The following GALNT9 variants were observed in gnomAD, a reference collection of about 807,000 sequenced individuals.
The protein encoded by GALNT9 is polypeptide N-acetylgalactosaminyltransferase 9, also known as GalNAc transferase 9.
GALNT9 carries 47 observed loss-of-function variants against 63.1 expected under a neutral mutation model. The ratio of observed to expected loss-of-function variants is 0.75; its 90% CI spans 0.59 to 0.95. The LOEUF (loss-of-function observed/expected upper bound fraction) is 0.95, where lower values mean the gene tolerates loss of function less well. Among genes scored for constraint, GALNT9 ranks in the 40% least tolerant of loss-of-function variants. GALNT9 has a pLI of 0.00. For synonymous variants in GALNT9, 396 were observed against 365.7 expected (o/e 1.08, Z -0.94); for missense variants, 829 against 874.8 (o/e 0.95, Z 0.66).
At chr12:132,276,743 A>T (rs1593099480) in intron 2 of GALNT9, among the ~76,000 whole-genome samples, 1 of 152,196 alleles carries the variant, frequency 6.6e-6, no homozygotes, top group South Asian at 2.1e-4. Context: ...AATAATCAAG[A>T]CTATGTTATG....
At chr12:132,222,037 G>A (rs988328744) in intron 6 of GALNT9, among the ~76,000 whole-genome samples, 1 of 152,118 alleles carries the variant, frequency 6.6e-6, no homozygotes, top group African/African-American at 2.4e-5. Flanking sequence ...AGTGGATTGG[G>A]TAAGCCTGTG....
At chr12:132,268,105 T>A (rs1349951412) in intron 2 of GALNT9, among the ~76,000 whole-genome samples, 2 of 145,992 alleles carry the variant, frequency 1.4e-5, no homozygotes, top group Admixed American at 6.9e-5. Flanking sequence ...ACACGCGCAC[T>A]CACACACACA....
Position 132,259,922 on chromosome 12 carries a change from G to C in GALNT9, c.761+1026C>G, listed in dbSNP as rs146643569. Among the ~76,000 whole-genome samples the C allele has an allele frequency of 1.1e-3, 159 of 147,994 alleles. 1 individual carries two copies. In the Middle Eastern group the frequency reaches 0.014, roughly 13 times the overall value. On this transcript the variant is annotated intron_variant, in intron 4 of 10. Transcript: ENST00000328957. ...TCCTCCCGGGTCTTCCTTGTGGTTG[G>C]GTGGACAGGGGTGGGTCCTGGCCCT...
In GALNT9 at chr12:132,263,018, G is replaced by A. The variant is rs1005388796; in HGVS notation, c.420-393C>T. Among the ~76,000 whole-genome samples, 20 of 152,146 alleles carry A rather than the reference G, an allele frequency of 1.3e-4. No individual in the cohort carries two copies. In the South Asian group the frequency reaches 1.5e-3, roughly 11 times the overall value. On this transcript the variant is annotated intron_variant, in intron 2 of 10. Transcript: ENST00000328957. ...ACCCCGAGAGGAGATGAACGTCCCCGTTCCACAGACAGGAGCCTCCCCTGT... is the reference window on the plus strand; with the variant it reads ...ACCCCGAGAGGAGATGAACGTCCCCATTCCACAGACAGGAGCCTCCCCTGT...
chr12:132,247,983 T>G lies in GALNT9; in HGVS notation c.1004A>C (p.Tyr335Ser). The G allele has an allele frequency of 1.3e-6, 2 of 1,551,476 alleles. No homozygotes were observed. The highest frequency in any genetic ancestry group is 1.7e-6 in the Non-Finnish European group (2 of 1,147,010). The stretch of plus-strand genomic sequence containing the variant: ...GTCCAGCAGCCCAATGTCTCCGAAG[T>G]ACTCGCGGTCCACTACGAAGGAGCA... ...IGCSFVVDRE[Y>S]FGDIGLLDPG... Residue 335 changes from tyrosine to serine, a missense_variant, in exon 6 of 11, where the codon TAC becomes TCC. Physicochemically the swap from Tyr to Ser is moderately radical, Grantham distance 144. Transcript: ENST00000328957.
At chr12:132,209,021 T>TGGTCACCC (rs1359219141) in intron 6 of GALNT9, among the ~76,000 whole-genome samples, 1 of 152,192 alleles carries the variant, frequency 6.6e-6, no homozygotes, top group Non-Finnish European at 1.5e-5. Context: ...ACGATGCCTG[T>TGGTCACCC]GGTCACCCCC....
Position 132,329,393 on chromosome 12 carries a change from C to A in GALNT9, c.-190G>T. On this transcript the variant is annotated 5_prime_UTR_variant, in exon 1 of 11. Transcript: ENST00000328957. ...CGGCCGCCGGGGGTCCCCCAGAGCG[C>A]AGAGGGCTGCCCGGGGCTGGGGTCG... 2 of 774,342 alleles carry A rather than the reference C, an allele frequency of 2.6e-6. No individual in the cohort carries two copies. The highest frequency in any genetic ancestry group is 3.6e-5 in the South Asian group (1 of 28,134). The allele number at this position is 774,342 out of a possible 1,614,324, so 48.0% of individuals were successfully genotyped here. A position where few individuals can be genotyped will look rare whatever the true frequency, so the allele number is the denominator to read the frequency against.
At chr12:132,301,603 C>T (rs1309577558) in intron 1 of GALNT9, among the ~76,000 whole-genome samples, 2 of 152,248 alleles carry the variant, frequency 1.3e-5, no homozygotes, top group African/African-American at 4.8e-5. Context: ...GGAGGACTGC[C>T]TGGTGGCCGC....
Position 132,230,897 on chromosome 12 carries a change from C to T in GALNT9, c.1077+17013G>A, listed in dbSNP as rs902070455. 9.8e-5 allele frequency among the ~76,000 whole-genome samples: 15 copies of T among 152,356 alleles called. 1 individual carries two copies. In the East Asian group the frequency reaches 1.9e-3, roughly 20 times the overall value. On this transcript the variant is annotated intron_variant, in intron 6 of 10. Coordinates refer to ENST00000328957, the MANE Select transcript of GALNT9 (RefSeq NM_001122636.2). ...CAGGGCTCCCAACCTCCATTCGGGA[C>T]GTCTTGGTGAGACTCTGCTGAGCCT...
intron 6 of GALNT9, among the ~76,000 whole-genome samples, chr12:132,241,859 G>C (rs1555237264): frequency 0.97 from 1,134 of 1,170 alleles, 564 homozygotes; most frequent in Middle Eastern, 1. Context: ...TCCAGGGGCC[G>C]TCCCTATCCC....
intron 9 of GALNT9, among the ~76,000 whole-genome samples, 187 bp downstream of exon 9, chr12:132,198,987 C>T (rs556361088): frequency 6.6e-6 from 1 of 152,176 alleles, no homozygotes; most frequent in East Asian, 1.9e-4. Flanking sequence ...TGCTACCTTC[C>T]AGGTGGGGCG....
At chr12:132,302,496 C>G (rs562942403) in intron 1 of GALNT9, among the ~76,000 whole-genome samples, 1 of 152,318 alleles carries the variant, frequency 6.6e-6, no homozygotes, top group Non-Finnish European at 1.5e-5. Flanking sequence ...AATTTGTAGC[C>G]GTGCCATTTA....
chr12:132,323,237 G>A (rs1396917948), intron 1 of GALNT9, among the ~76,000 whole-genome samples: 2 of 152,228 alleles, frequency 1.3e-5, no homozygotes, highest in East Asian at 3.8e-4. Flanking sequence ...GAAATATGCA[G>A]GTTGCTGTGC....
At chr12:132,304,886 G>C (rs371837453) in intron 1 of GALNT9, among the ~76,000 whole-genome samples, 127 of 5,848 alleles carry the variant, frequency 0.022, no homozygotes, top group Admixed American at 0.041. Context: ...CACCCTCACC[G>C]GGGCACACCC....
chr12:132,247,293 G>T, intron 6 of GALNT9: 1 of 333,788 alleles, frequency 3.0e-6, no homozygotes, highest in Non-Finnish European at 5.9e-6. Context: ...CCAATCCATT[G>T]TCACCTGGGG....
intron 5 of GALNT9, among the ~76,000 whole-genome samples, chr12:132,256,613 A>G (rs1438620864): frequency 2.3e-5 from 2 of 86,640 alleles, no homozygotes; most frequent in Non-Finnish European, 4.4e-5. Context: ...TGGAGGGGGA[A>G]CACTGGAGGG....
rs1352526736 is a variant in GALNT9, at chr12:132,310,799, G to A, written c.238+18167C>T. On this transcript the variant is annotated intron_variant, in intron 1 of 10. Transcript: ENST00000328957. This position sits in a 1 kb window ranked among gnomAD's most constrained non-coding sequence, Gnocchi z 4.8. The stretch of plus-strand genomic sequence containing the variant: ...GGTGGGAGCCACGCTGTCCTCCCAC[G>A]CAAAGAGGAACTAGGTGTGGCTGTG... Among the ~76,000 whole-genome samples the A allele has an allele frequency of 1.3e-5, 2 of 152,170 alleles. No homozygotes were observed. Among genetic ancestry groups the A allele is most frequent in the South Asian group, 2.1e-4 (1 of 4,826 alleles).
intron 1 of GALNT9, among the ~76,000 whole-genome samples, chr12:132,288,573 C>T (rs1171334449): frequency 2.6e-5 from 4 of 152,366 alleles, no homozygotes; most frequent in East Asian, 3.9e-4. Flanking sequence ...GGGGATTGGC[C>T]GCCTGGCCAG....
chr12:132,249,348 G>A (rs143249086), intron 5 of GALNT9, among the ~76,000 whole-genome samples: 1 of 152,292 alleles, frequency 6.6e-6, no homozygotes, highest in Non-Finnish European at 1.5e-5. Context: ...AACAGCAAAA[G>A]TTGGCCTCTG....
Sources: allele counts gnomAD v4.1 joint callset (sites outside exome capture counted in the v4.1 genomes callset), GRCh38; gene constraint gnomAD v4.1.1; non-coding constraint Gnocchi (gnomAD v3.1); transcripts MANE v1.5; gene names NCBI Gene and HGNC (gene_info 2026-07-23, HGNC 2026-07-21).